The following LDLRAD4 variants were observed in gnomAD, a reference collection of about 807,000 sequenced individuals.
LDLRAD4 encodes the protein low density lipoprotein receptor class A domain containing 4.
LDLRAD4 carries 5 observed loss-of-function variants against 17.0 expected under a neutral mutation model. That is an observed-to-expected ratio of 0.29 (90% CI 0.15 to 0.62). The LOEUF is 0.62. Ranked by LOEUF, LDLRAD4 falls within the 20% of genes least tolerant of loss-of-function variation. The pLI is 0.84. For synonymous variants in LDLRAD4, 168 were observed against 171.8 expected (o/e 0.98, Z 0.17); for missense variants, 340 against 424.7 (o/e 0.80, Z 1.75).
At chr18:13,240,967 T>C (rs1339082213) in intron 1 of LDLRAD4, 1 of 152,322 alleles carries the variant, frequency 6.6e-6, no homozygotes, top group Non-Finnish European at 1.5e-5. Context: ...TTCACTCTTG[T>C]TGCCCACGCT....
intron 3 of LDLRAD4, among the ~76,000 whole-genome samples, chr18:13,446,747 C>A (rs1372433377): frequency 2.0e-5 from 3 of 152,242 alleles, no homozygotes; most frequent in Non-Finnish European, 4.4e-5. Context: ...TCTGCCATCA[C>A]CATCCCCGCT....
At chr18:13,277,342 G>T (rs56078702), upstream of LDLRAD4, among the ~76,000 whole-genome samples, 1 of 152,062 alleles carries the variant, frequency 6.6e-6, no homozygotes, top group Admixed American at 6.5e-5. Context: ...GTCTGAGGCC[G>T]AGCTTTGCTG....
At chr18:13,371,165 T>C (rs908884777) in intron 1 of LDLRAD4, among the ~76,000 whole-genome samples, 2 of 152,156 alleles carry the variant, frequency 1.3e-5, no homozygotes, top group African/African-American at 2.4e-5. Flanking sequence ...AAGACTCTCC[T>C]TTCTGGCACA....
intron 1 of LDLRAD4, among the ~76,000 whole-genome samples, chr18:13,248,922 C>T (rs78255339): frequency 0.027 from 4,156 of 152,282 alleles, 124 homozygotes; most frequent in African/African-American, 0.076. Context: ...CCCTTCCCAA[C>T]TTCTAGTATT....
chr18:13,619,073 C>T (rs1336842416), intron 3 of LDLRAD4, among the ~76,000 whole-genome samples: 4 of 152,226 alleles, frequency 2.6e-5, no homozygotes, highest in Admixed American at 6.5e-5. Flanking sequence ...CCACCGGGGC[C>T]ACACATCCCA....
At chr18:13,448,180 G>A (rs773673705) in intron 3 of LDLRAD4, among the ~76,000 whole-genome samples, 6 of 152,210 alleles carry the variant, frequency 3.9e-5, no homozygotes, top group African/African-American at 1.2e-4. Context: ...TTCAAAGGCC[G>A]GAGAGGAGCT....
At chr18:13,523,928 T>G (rs1012443941) in intron 3 of LDLRAD4, among the ~76,000 whole-genome samples, 4 of 152,210 alleles carry the variant, frequency 2.6e-5, no homozygotes, top group Non-Finnish European at 4.4e-5. Context: ...CCACAGTCCA[T>G]GAGCCTCCCT....
intron 3 of LDLRAD4, among the ~76,000 whole-genome samples, chr18:13,457,402 G>A (rs1019714131): frequency 1.3e-5 from 2 of 152,202 alleles, no homozygotes; most frequent in African/African-American, 4.8e-5. Flanking sequence ...CCATCCAGAA[G>A]CTCCCTGAAC....
Position 13,431,899 on chromosome 18 carries a change from G to A in LDLRAD4, c.41-6345G>A, listed in dbSNP as rs529823691. ...AAACCTTCAAAGTAAATTCCACTTTGTTCCAAGTTTATGAACGGGAATGTC... is the reference window on the plus strand; with the variant it reads ...AAACCTTCAAAGTAAATTCCACTTTATTCCAAGTTTATGAACGGGAATGTC... On this transcript the variant is annotated intron_variant, in intron 2 of 5. Coordinates refer to ENST00000359446, the Ensembl canonical transcript of LDLRAD4. Among the ~76,000 whole-genome samples, 6 of 152,292 alleles carry A rather than the reference G, an allele frequency of 3.9e-5. No individual in the cohort carries two copies. In the South Asian group the frequency reaches 8.3e-4, roughly 21 times the overall value.
chr18:13,492,762 AC>A (rs1184078749), intron 3 of LDLRAD4, among the ~76,000 whole-genome samples: 3 of 151,246 alleles, frequency 2.0e-5, no homozygotes, highest in East Asian at 1.9e-4. Context: ...GTCATGCCAT[AC>A]CCCCCTTCCT....
At chr18:13,620,001 G>A (rs1324102605) in intron 3 of LDLRAD4, among the ~76,000 whole-genome samples, 2 of 151,930 alleles carry the variant, frequency 1.3e-5, no homozygotes, top group Non-Finnish European at 2.9e-5. Context: ...GGGTGGAAGT[G>A]GAGGGCCGTG....
chr18:13,310,647 C>T (rs1240586331), intron 1 of LDLRAD4, among the ~76,000 whole-genome samples: 2 of 152,132 alleles, frequency 1.3e-5, no homozygotes, highest in South Asian at 4.2e-4. Flanking sequence ...CAGTCTTGAC[C>T]TTAGCTCCTT....
At chr18:13,294,107 C>A (rs1218185766) in intron 1 of LDLRAD4, among the ~76,000 whole-genome samples, 1 of 152,210 alleles carries the variant, frequency 6.6e-6, no homozygotes, top group Non-Finnish European at 1.5e-5. Flanking sequence ...TGACCTTGAG[C>A]AGTAGGATAT....
intron 1 of LDLRAD4, among the ~76,000 whole-genome samples, chr18:13,365,234 T>G (rs1274938194): frequency 4.6e-5 from 7 of 152,250 alleles, no homozygotes. Context: ...ATTAATCTTT[T>G]GCTTTTTACC....
intron 1 of LDLRAD4, among the ~76,000 whole-genome samples, chr18:13,372,434 A>C (rs1030511924): frequency 6.6e-6 from 1 of 152,236 alleles, no homozygotes; most frequent in Non-Finnish European, 1.5e-5. Flanking sequence ...AAATAAAAAC[A>C]CCTTGCCCTT....
At chr18:13,239,511 A>G (rs565141336) in intron 1 of LDLRAD4, 1 of 152,362 alleles carries the variant, frequency 6.6e-6, no homozygotes, top group Non-Finnish European at 1.5e-5. Context: ...ACCAGGATGA[A>G]TTTTGATTAG....
At position 13,414,754 on chromosome 18, in the gene LDLRAD4, C is replaced by T. The variant is rs113906731; in HGVS notation, c.41-23490C>T. 9.3e-3 allele frequency among the ~76,000 whole-genome samples: 1,416 copies of T among 152,322 alleles called. 26 individuals are homozygous for T. The highest frequency in any genetic ancestry group is 0.032 in the African/African-American group (1,327 of 41,578). ...GGAGCTCGAGAAGGAGAAGCCCACA[C>T]GCCCTTCTGTCCTTGGACTGTGTAG... On this transcript the variant is annotated intron_variant, in intron 2 of 5. Transcript: ENST00000359446.
chr18:13,253,314 C>G (rs539855309), intron 1 of LDLRAD4, among the ~76,000 whole-genome samples: 1 of 152,224 alleles, frequency 6.6e-6, no homozygotes, highest in East Asian at 1.9e-4. Flanking sequence ...GGAAGCTGGG[C>G]GCCACTGCTC....
At chr18:13,332,492 G>A (rs1311446254) in intron 1 of LDLRAD4, among the ~76,000 whole-genome samples, 1 of 152,136 alleles carries the variant, frequency 6.6e-6, no homozygotes, top group Non-Finnish European at 1.5e-5. Flanking sequence ...GTTTAATGAT[G>A]TGTTCACCAT....
Sources: allele counts gnomAD v4.1 joint callset (sites outside exome capture counted in the v4.1 genomes callset), GRCh38; gene constraint gnomAD v4.1.1; transcripts MANE v1.5; gene names NCBI Gene and HGNC (gene_info 2026-07-23, HGNC 2026-07-21).